The following SENP6 variants were observed in gnomAD, a reference collection of about 807,000 sequenced individuals.
SENP6 encodes sentrin-specific protease 6.
Under a neutral mutation model 134.5 loss-of-function variants are expected in SENP6, and 41 were observed. The ratio of observed to expected loss-of-function variants is 0.30; its 90% CI spans 0.24 to 0.40. SENP6 has a LOEUF of 0.40. Among genes scored for constraint, SENP6 ranks in the 10% least tolerant of loss-of-function variants. SENP6 has a pLI of 1.00. For missense variants in SENP6, 1,248 were observed against 1,312.5 expected (o/e 0.95, Z 0.76); for synonymous variants, 395 against 429.8 (o/e 0.92, Z 1.00).
At chr6:75,651,121 A>T (rs921589972) in intron 7 of SENP6, among the ~76,000 whole-genome samples, 2 of 151,942 alleles carry the variant, frequency 1.3e-5, no homozygotes, top group African/African-American at 2.4e-5. Context: ...TGCTTTAAAA[A>T]TTTTTTCTAA....
intron 3 of SENP6, among the ~76,000 whole-genome samples, chr6:75,625,112 CTTT>C (rs34953351): frequency 8.9e-6 from 1 of 112,174 alleles, no homozygotes; most frequent in African/African-American, 3.4e-5. Flanking sequence ...TGTGTGTGTC[CTTT>C]TTTTTTTTTT....
Position 75,689,733 on chromosome 6 carries a change from A to G in SENP6, c.2076-6071A>G, listed in dbSNP as rs183630011. Among the ~76,000 whole-genome samples the G allele has an allele frequency of 6.6e-3, 1,011 of 152,242 alleles. 5 individuals are homozygous for G. The highest frequency in any genetic ancestry group is 9.6e-3 in the Non-Finnish European group (654 of 68,022). ...ATGGTATTCAGTACGGTAACATACT[A>G]TACAGGTGTATAGTGTAGAAGCAGT... On this transcript the variant is annotated intron_variant, in intron 16 of 23. Coordinates refer to ENST00000447266, the MANE Select transcript of SENP6 (RefSeq NM_015571.4).
At chr6:75,607,256 A>G (rs141361900) in intron 1 of SENP6, among the ~76,000 whole-genome samples, 1 of 152,020 alleles carries the variant, frequency 6.6e-6, no homozygotes, top group African/African-American at 2.4e-5. Flanking sequence ...CCATGATCGT[A>G]CCACTGCATT....
rs549072968 is a variant in SENP6 at position 75,649,639 on chromosome 6, C to A, written c.550+1838C>A. Among the ~76,000 whole-genome samples, 4 of 152,152 alleles carry A rather than the reference C, an allele frequency of 2.6e-5. No homozygotes were observed. In the South Asian group the frequency reaches 8.3e-4, roughly 32 times the overall value. ...TTCAAATAATTCTCTGCCTCAGCCT[C>A]CCGAGTAGCTGGGATTACAGGCGCC... On this transcript the variant is annotated intron_variant, in intron 7 of 23. Transcript: ENST00000447266.
At chr6:75,705,133 C>A (rs1033502522) in intron 19 of SENP6, among the ~76,000 whole-genome samples, 28 of 152,304 alleles carry the variant, frequency 1.8e-4, no homozygotes, top group Non-Finnish European at 3.5e-4. Flanking sequence ...TCCTCACTCT[C>A]CTTCACTGTT....
intron 13 of SENP6, among the ~76,000 whole-genome samples, 171 bp downstream of exon 13, chr6:75,676,225 G>T (rs2149878164): frequency 6.6e-6 from 1 of 152,168 alleles, no homozygotes; most frequent in African/African-American, 2.4e-5. Context: ...TACAGATGAG[G>T]AAAAACTCAC....
In SENP6 at chr6:75,633,687, C is replaced by T; in HGVS notation, c.314C>T (p.Pro105Leu). The T allele has an allele frequency of 1.2e-6, 2 of 1,611,478 alleles. No homozygotes were observed. The highest frequency in any genetic ancestry group is 1.7e-6 in the Non-Finnish European group (2 of 1,178,986). Residue 105 changes from proline (P) to leucine (L), a missense_variant, in exon 4 of 24, where the codon CCA (proline) becomes CTA (leucine). Coordinates refer to ENST00000447266, the MANE Select transcript of SENP6 (RefSeq NM_015571.4). Reference sequence around the variant, plus strand: ...AGTTTTAAAACTTTGAAAGGCAACCCAATTGGACTTAACATGTTGAGCAAC... The same window carrying T: ...AGTTTTAAAACTTTGAAAGGCAACCTAATTGGACTTAACATGTTGAGCAAC... ...SESFKTLKGN[P>L]IGLNMLSNNK...
chr6:75,622,774 C>T (rs1768373554), intron 2 of SENP6: 2 of 1,288,528 alleles, frequency 1.6e-6, no homozygotes, highest in African/African-American at 1.5e-5. Flanking sequence ...GTCTGGGCAA[C>T]AGCTCCGTTC....
At chr6:75,693,061 C>CT (rs1005522568) in intron 16 of SENP6, among the ~76,000 whole-genome samples, 1 of 152,078 alleles carries the variant, frequency 6.6e-6, no homozygotes, top group African/African-American at 2.4e-5. Context: ...AATACATTTC[C>CT]TTTTTTTAAG....
chr6:75,663,137 T>C (rs977350044), intron 8 of SENP6, 84 bp from the exon 9 acceptor site: 1 of 1,292,578 alleles, frequency 7.7e-7, no homozygotes, highest in Non-Finnish European at 1.1e-6. Flanking sequence ...ACTTAAAGTT[T>C]ATGAACACCG....
chr6:75,664,744 C>T (rs1012021432), intron 9 of SENP6, among the ~76,000 whole-genome samples: 1 of 152,110 alleles, frequency 6.6e-6, no homozygotes, highest in Non-Finnish European at 1.5e-5. Context: ...ATGTACATTA[C>T]TCAGTAAAAA....
chr6:75,690,858 G>A (rs1010314322), intron 16 of SENP6, among the ~76,000 whole-genome samples: 10 of 151,690 alleles, frequency 6.6e-5, no homozygotes, highest in African/African-American at 2.2e-4. Context: ...ACCACACCTG[G>A]CTAATTGTTT....
At chr6:75,691,207 A>T (rs546995153) in intron 16 of SENP6, among the ~76,000 whole-genome samples, 1 of 150,968 alleles carries the variant, frequency 6.6e-6, no homozygotes, top group African/African-American at 2.4e-5. Context: ...CAGTGACGCA[A>T]TCACGACTCA....
chr6:75,612,233 T>C (rs1283025598), intron 1 of SENP6, among the ~76,000 whole-genome samples: 2 of 152,300 alleles, frequency 1.3e-5, no homozygotes, highest in East Asian at 1.9e-4. Flanking sequence ...ACTCAAGGCT[T>C]TGGAAAATCT....
chr6:75,673,088 A>G (rs1772807945), intron 11 of SENP6, among the ~76,000 whole-genome samples: 1 of 152,130 alleles, frequency 6.6e-6, no homozygotes, highest in South Asian at 2.1e-4. Context: ...CGGCCTCCCA[A>G]AGTGCTGGGA....
intron 9 of SENP6, among the ~76,000 whole-genome samples, chr6:75,663,821 T>TC (rs1562021680): frequency 8.5e-6 from 1 of 117,464 alleles, no homozygotes; most frequent in Admixed American, 8.3e-5. Flanking sequence ...TTTTTTTTTG[T>TC]GGGGGGGGGG....
At chr6:75,713,477 T>C (rs1435529805) in intron 21 of SENP6, 36 bp from the exon 22 acceptor site, 2 of 1,504,794 alleles carry the variant, frequency 1.3e-6, no homozygotes, top group Non-Finnish European at 1.8e-6. Flanking sequence ...TGTAATATTA[T>C]GAAGTATTCG....
In SENP6 at chr6:75,715,388, C is replaced by T. The variant is rs1168243653; in HGVS notation, c.3133C>T (p.Pro1045Ser). ...LQYVESFFENPILSFELPMNL... is the reference protein window; with the variant it reads ...LQYVESFFENSILSFELPMNL... ...ACGCATTTAATTGTATTTTCAGAAT[C>T]CAATTCTCAGTTTTGAACTACCTAT... The change falls in exon 24 of 24, where the codon CCA (proline) becomes TCA (serine). Residue 1045 changes from proline to serine, a missense_variant. Physicochemically the swap from Pro to Ser is moderately conservative, Grantham distance 74. Around this residue, in one of 3 missense-constraint regions of SENP6, gnomAD observed 386 missense variants for 395.0 expected, o/e 0.98. Transcript: ENST00000447266. 2 of 1,596,864 alleles carry T rather than the reference C, an allele frequency of 1.3e-6. No individual in the cohort carries two copies. Among genetic ancestry groups the T allele is most frequent in the Non-Finnish European group, 8.6e-7 (1 of 1,168,260 alleles).
At position 75,709,537 on chromosome 6, in the gene SENP6, C is replaced by T. The variant is rs1775627374; in HGVS notation, c.2727C>T (p.Ser909=). 1 of 1,612,746 alleles carries T rather than the reference C, an allele frequency of 6.2e-7. No individual in the cohort carries two copies. Among genetic ancestry groups the T allele is most frequent in the Non-Finnish European group, 8.5e-7 (1 of 1,179,180 alleles). ...TTCTTATTGATACAGATGGCTTAAG[C>T]AAAATCAGACTAAACTATAGCGATG... The part of the protein sequence containing the change: ...LSSTHHTDGL[S]KIRLNYSDES... The change falls in exon 20 of 24, where the codon AGC becomes AGT. Residue 909 remains serine (S), a synonymous_variant. Transcript: ENST00000447266.
Sources: allele counts gnomAD v4.1 joint callset (sites outside exome capture counted in the v4.1 genomes callset), GRCh38; gene constraint gnomAD v4.1.1; regional missense constraint gnomAD v4.1.1; transcripts MANE v1.5; gene names NCBI Gene and HGNC (gene_info 2026-07-23, HGNC 2026-07-21).